Variants in ITGA11 observed in about 807,000 individuals in gnomAD.
ITGA11 encodes integrin alpha-11.
ITGA11 carries 97 observed loss-of-function variants against 141.9 expected under a neutral mutation model. The ratio of observed to expected loss-of-function variants is 0.68; its 90% CI spans 0.58 to 0.81. ITGA11 has a LOEUF of 0.81. Among genes scored for constraint, ITGA11 ranks in the 30% least tolerant of loss-of-function variants. The probability of loss-of-function intolerance (pLI) is 0.00; values close to 1 mark genes in which losing one functional copy is unlikely to be tolerated. For missense variants in ITGA11, 1,387 were observed against 1,559.2 expected (o/e 0.89, Z 1.86); for synonymous variants, 658 against 624.6 (o/e 1.05, Z -0.80).
Position 68,320,283 on chromosome 15 carries a change from C to A in ITGA11, c.2518G>T (p.Val840Leu). The A allele has an allele frequency of 6.2e-7, 1 of 1,614,008 alleles. No individual in the cohort carries two copies. The highest frequency in any genetic ancestry group is 1.3e-5 in the African/African-American group (1 of 75,064). Residue 840 changes from valine to leucine, a missense_variant, in exon 20 of 30, where the codon GTG becomes TTG. Physicochemically the swap from Val to Leu is conservative, Grantham distance 32. Coordinates refer to ENST00000315757, the MANE Select transcript of ITGA11 (RefSeq NM_001004439.2). ...IIESTRQRVAVEATLENRGEN... is the reference protein window; with the variant it reads ...IIESTRQRVALEATLENRGEN... Reference sequence around the variant, plus strand: ...CCCCTGTTCTCCAGTGTGGCCTCCACCGCCACTCGCTGGCGTGTGCTCTCT... The same window carrying A: ...CCCCTGTTCTCCAGTGTGGCCTCCAACGCCACTCGCTGGCGTGTGCTCTCT...
At chr15:68,370,482 C>T (rs1036846235) in intron 2 of ITGA11, among the ~76,000 whole-genome samples, 6 of 152,184 alleles carry the variant, frequency 3.9e-5, no homozygotes, top group South Asian at 2.1e-4. Context: ...AGCCCCATCA[C>T]GGGGGCCCAG....
At chr15:68,387,506 G>A in intron 2 of ITGA11, among the ~76,000 whole-genome samples, 1 of 152,190 alleles carries the variant, frequency 6.6e-6, no homozygotes, top group East Asian at 1.9e-4. Context: ...ATCCGATTTA[G>A]CAAGCGTTCC....
At chr15:68,365,547 G>GTGTGT (rs1895392213) in intron 3 of ITGA11, 1 of 149,430 alleles carries the variant, frequency 6.7e-6, no homozygotes, top group Non-Finnish European at 1.5e-5. Flanking sequence ...AGTGTGTTGG[G>GTGTGT]GTGTGTGTGT....
chr15:68,408,874 C>T (rs144971827), intron 1 of ITGA11, among the ~76,000 whole-genome samples: 1 of 152,286 alleles, frequency 6.6e-6, no homozygotes, highest in East Asian at 1.9e-4. Flanking sequence ...TGGTTAGAAG[C>T]CTGGCTCTAG....
At chr15:68,348,686 G>T in intron 10 of ITGA11, 144 bp downstream of exon 10, 1 of 688,934 alleles carries the variant, frequency 1.5e-6, no homozygotes, top group Non-Finnish European at 2.5e-6. Context: ...ATGGGAGGCA[G>T]AGAGACCCCA....
At chr15:68,391,219 C>T (rs766373920) in intron 2 of ITGA11, among the ~76,000 whole-genome samples, 2 of 152,126 alleles carry the variant, frequency 1.3e-5, no homozygotes, top group Non-Finnish European at 2.9e-5. Context: ...GTCCCCAAGG[C>T]CACCCTCTCT....
intron 20 of ITGA11, among the ~76,000 whole-genome samples, chr15:68,317,860 T>C (rs1326472516): frequency 1.3e-5 from 2 of 152,172 alleles, no homozygotes; most frequent in Non-Finnish European, 2.9e-5. Context: ...TGGGCATGCA[T>C]GCACCCGTGT....
chr15:68,395,437 G>C (rs11636813), intron 2 of ITGA11, among the ~76,000 whole-genome samples: 1 of 151,628 alleles, frequency 6.6e-6, no homozygotes. Flanking sequence ...TTGAAAAAAG[G>C]TTAGATGAGA....
intron 9 of ITGA11, among the ~76,000 whole-genome samples, chr15:68,349,778 A>G (rs1894847064): frequency 6.6e-6 from 1 of 152,198 alleles, no homozygotes; most frequent in African/African-American, 2.4e-5. Context: ...GGAGAGAGGC[A>G]ATCTGAAGGA....
chr15:68,424,992 G>A (rs990592592), intron 1 of ITGA11, among the ~76,000 whole-genome samples: 1 of 152,254 alleles, frequency 6.6e-6, no homozygotes, highest in African/African-American at 2.4e-5. Context: ...GAGCCCTGCA[G>A]TCTGTGGGAT....
intron 1 of ITGA11, among the ~76,000 whole-genome samples, chr15:68,423,251 A>G (rs1897061047): frequency 6.6e-6 from 1 of 152,120 alleles, no homozygotes; most frequent in Non-Finnish European, 1.5e-5. Flanking sequence ...GGAATGCTGT[A>G]TGGCGGGGGA....
chr15:68,404,266 C>G (rs1896585707), intron 1 of ITGA11, among the ~76,000 whole-genome samples: 1 of 152,138 alleles, frequency 6.6e-6, no homozygotes, highest in African/African-American at 2.4e-5. Context: ...CTCCCCACTT[C>G]CCTCTGAACC....
rs1460973512 is a variant in ITGA11, at chr15:68,304,208, G to A, written c.3382-323C>T. On this transcript the variant is annotated intron_variant, in intron 28 of 29. Transcript: ENST00000315757. This position sits in a 1 kb window ranked among gnomAD's most constrained non-coding sequence, Gnocchi z 6.1. ...CTTCTCCCTTTGCTGCCTCCGCATC[G>A]CCTCCCGCACTTCTAAAGGTCAGTG... 6.6e-6 allele frequency among the ~76,000 whole-genome samples: 1 copy of A among 152,102 alleles called. No homozygotes were observed. The highest frequency in any genetic ancestry group is 2.4e-5 in the African/African-American group (1 of 41,412).
chr15:68,419,970 A>G (rs913028867), intron 1 of ITGA11, among the ~76,000 whole-genome samples: 1 of 152,144 alleles, frequency 6.6e-6, no homozygotes, highest in African/African-American at 2.4e-5. Context: ...GGCTCCTAAT[A>G]TGGACTTTGT....
rs1894062897 is a variant in ITGA11 at position 68,328,749 on chromosome 15, A to G, written c.1902-487T>C. 6.6e-6 allele frequency among the ~76,000 whole-genome samples: 1 copy of G among 152,184 alleles called. No homozygotes were observed. The highest frequency in any genetic ancestry group is 1.5e-5 in the Non-Finnish European group (1 of 68,042). ...CACGCCCCCTGGGGATCATGTTAAA[A>G]TGCAGATTTTGATCCAATAGCTTGG... On this transcript the variant is annotated intron_variant, in intron 15 of 29. Coordinates refer to ENST00000315757, the MANE Select transcript of ITGA11 (RefSeq NM_001004439.2). This position sits in a 1 kb window ranked among gnomAD's most constrained non-coding sequence, Gnocchi z 4.8.
At chr15:68,429,348 G>T (rs971723714) in intron 1 of ITGA11, among the ~76,000 whole-genome samples, 8 of 152,182 alleles carry the variant, frequency 5.3e-5, no homozygotes, top group African/African-American at 1.9e-4. Flanking sequence ...TATGGGGCCT[G>T]GCAGATAACA....
chr15:68,305,826 C>T lies in ITGA11; in HGVS notation c.3381+1522G>A, dbSNP rs118115766. The stretch of plus-strand genomic sequence containing the variant: ...CGGGCACCTGGCTCTGCCTCCCCAG[C>T]GCCAGCACCTAGCACACAGCCCAGC... On this transcript the variant is annotated intron_variant, in intron 28 of 29. Transcript: ENST00000315757. The surrounding 1 kb of genome is among the most constrained non-coding windows in gnomAD (Gnocchi z 4.6). Among the ~76,000 whole-genome samples the T allele has an allele frequency of 0.034, 5,118 of 152,214 alleles. 96 individuals carry two copies. The highest frequency in any genetic ancestry group is 0.053 in the Non-Finnish European group (3,595 of 67,994).
chr15:68,343,756 C>T (rs1292119126), intron 10 of ITGA11, among the ~76,000 whole-genome samples: 4 of 152,148 alleles, frequency 2.6e-5, no homozygotes, highest in Non-Finnish European at 4.4e-5. Flanking sequence ...GGCACATACA[C>T]CATTTAGAGG....
At chr15:68,412,514 A>G (rs953184759) in intron 1 of ITGA11, among the ~76,000 whole-genome samples, 1 of 152,110 alleles carries the variant, frequency 6.6e-6, no homozygotes, top group Non-Finnish European at 1.5e-5. Context: ...AGCTCTGTGC[A>G]GAACGGAGCC....
Sources: allele counts gnomAD v4.1 joint callset (sites outside exome capture counted in the v4.1 genomes callset), GRCh38; gene constraint gnomAD v4.1.1; non-coding constraint Gnocchi (gnomAD v3.1); transcripts MANE v1.5; gene names NCBI Gene and HGNC (gene_info 2026-07-23, HGNC 2026-07-21).